Variants in PCDH9 observed in about 807,000 individuals in gnomAD.
PCDH9 encodes the protein protocadherin-9.
A neutral mutation model predicts 70.6 loss-of-function variants in PCDH9; 24 were observed. The observed-to-expected ratio is 0.34, with a 90% CI of 0.25 to 0.48. PCDH9 has a LOEUF of 0.48. Among genes scored for constraint, PCDH9 ranks in the 20% least tolerant of loss-of-function variants. PCDH9 has a pLI of 0.99. For synonymous variants in PCDH9, 562 were observed against 558.5 expected, an observed-to-expected ratio of 1.01 and a Z score of -0.09; for missense variants, 1,281 against 1,503.6, an observed-to-expected ratio of 0.85 and a Z score of 2.45.
chr13:66,379,284 A>G (rs1436287181), intron 4 of PCDH9, among the ~76,000 whole-genome samples: 1 of 152,184 alleles, frequency 6.6e-6, no homozygotes, highest in African/African-American at 2.4e-5. Flanking sequence ...GGTTTTTCGG[A>G]GTGAAAATAT....
chr13:67,224,847 C>CTATA, intron 2 of PCDH9: 1 of 950,314 alleles, frequency 1.1e-6, no homozygotes, highest in Non-Finnish European at 1.3e-6. Context: ...AGAAGACTTC[C>CTATA]TATATGGCTT....
chr13:66,553,445 T>C (rs1045537678), intron 4 of PCDH9, among the ~76,000 whole-genome samples: 1 of 152,236 alleles, frequency 6.6e-6, no homozygotes, highest in Non-Finnish European at 1.5e-5. Flanking sequence ...ATACCATATG[T>C]ACTAAATTGT....
At chr13:67,078,258 C>T (rs1341529141) in intron 2 of PCDH9, among the ~76,000 whole-genome samples, 5 of 152,094 alleles carry the variant, frequency 3.3e-5, no homozygotes, top group Admixed American at 1.3e-4. Flanking sequence ...CTCCCAGCTG[C>T]GCCATCAGCT....
At chr13:66,764,190 T>C (rs1264500982) in intron 3 of PCDH9, among the ~76,000 whole-genome samples, 3 of 151,634 alleles carry the variant, frequency 2.0e-5, no homozygotes, top group Non-Finnish European at 4.4e-5. Flanking sequence ...ACAAGATTTA[T>C]ATATTGATAA....
intron 2 of PCDH9, among the ~76,000 whole-genome samples, chr13:66,926,250 T>G (rs2082716042): frequency 6.6e-6 from 1 of 151,990 alleles, no homozygotes; most frequent in Admixed American, 6.6e-5. Flanking sequence ...TACTTTATGG[T>G]AATTGTTTAA....
rs1259571038 is a variant in PCDH9, at chr13:66,566,835, A to T, written c.3340+64375T>A. Among the ~76,000 whole-genome samples the T allele has an allele frequency of 2.0e-5, 3 of 152,172 alleles. No homozygotes were observed. The East Asian group carries it at 5.8e-4, about 29-fold the overall frequency. On this transcript the variant is annotated intron_variant, in intron 4 of 4. Coordinates refer to ENST00000377865, the MANE Select transcript of PCDH9 (RefSeq NM_203487.3). ...AAAATCATGCTTAAATTTTTGATGC[A>T]TTCATTTAATTATATACCAAGAGTA...
intron 4 of PCDH9, among the ~76,000 whole-genome samples, chr13:66,348,547 G>A (rs1010500180): frequency 2.6e-5 from 4 of 151,846 alleles, no homozygotes; most frequent in African/African-American, 4.8e-5. Flanking sequence ...ACAGGCACCC[G>A]CCACCACACC....
At chr13:66,503,815 T>C (rs1433798030) in intron 4 of PCDH9, among the ~76,000 whole-genome samples, 1 of 152,178 alleles carries the variant, frequency 6.6e-6, no homozygotes, top group Non-Finnish European at 1.5e-5. Context: ...TTGCAAACAT[T>C]TATTAACCAC....
At chr13:67,018,629 A>T (rs1374863691) in intron 2 of PCDH9, among the ~76,000 whole-genome samples, 1 of 151,708 alleles carries the variant, frequency 6.6e-6, no homozygotes, top group Non-Finnish European at 1.5e-5. Flanking sequence ...AAAAAAAAAA[A>T]AAAGGAAAAA....
chr13:66,324,837 G>T (rs1015778374), intron 4 of PCDH9, among the ~76,000 whole-genome samples: 4 of 151,900 alleles, frequency 2.6e-5, no homozygotes, highest in African/African-American at 7.3e-5. Context: ...CCACTGTAGA[G>T]TTCTGTCACC....
chr13:66,792,611 G>A (rs1009944320), intron 3 of PCDH9, among the ~76,000 whole-genome samples: 16 of 152,194 alleles, frequency 1.1e-4, no homozygotes, highest in Admixed American at 1.0e-3. Flanking sequence ...AGAGGTTTCA[G>A]TGAGTCAAGA....
chr13:66,964,931 AAT>A (rs991113281), intron 2 of PCDH9, among the ~76,000 whole-genome samples: 1 of 151,838 alleles, frequency 6.6e-6, no homozygotes, highest in African/African-American at 2.4e-5. Flanking sequence ...AAAACTATTA[AAT>A]ATATATATAT....
At chr13:66,592,303 G>A (rs2077048446) in intron 4 of PCDH9, among the ~76,000 whole-genome samples, 1 of 151,642 alleles carries the variant, frequency 6.6e-6, no homozygotes, top group African/African-American at 2.4e-5. Context: ...TGTTAACTCA[G>A]AGATCAGTAT....
chr13:67,081,485 T>C (rs1319423507), intron 2 of PCDH9, among the ~76,000 whole-genome samples: 1 of 152,102 alleles, frequency 6.6e-6, no homozygotes, highest in African/African-American at 2.4e-5. Flanking sequence ...GGAGAATTGT[T>C]TGAACCCAGG....
intron 2 of PCDH9, among the ~76,000 whole-genome samples, chr13:66,907,624 A>G (rs1191915115): frequency 1.3e-5 from 2 of 152,210 alleles, no homozygotes; most frequent in African/African-American, 4.8e-5. Context: ...TAAATTTTCA[A>G]AAAAGCACTT....
chr13:66,377,555 A>T (rs1956770917), intron 4 of PCDH9, among the ~76,000 whole-genome samples: 1 of 152,216 alleles, frequency 6.6e-6, no homozygotes, highest in Non-Finnish European at 1.5e-5. Context: ...GCATAACTCA[A>T]TATATAAGTT....
intron 2 of PCDH9, among the ~76,000 whole-genome samples, chr13:66,986,423 C>G (rs1438657260): frequency 6.6e-6 from 1 of 151,952 alleles, no homozygotes; most frequent in Admixed American, 6.6e-5. Flanking sequence ...CTTCTTGGCA[C>G]CCTTATGAAT....
At chr13:66,810,857 T>C (rs2080491911) in intron 3 of PCDH9, among the ~76,000 whole-genome samples, 1 of 151,834 alleles carries the variant, frequency 6.6e-6, no homozygotes, top group Non-Finnish European at 1.5e-5. Flanking sequence ...ATAATATATA[T>C]AGTGTTTCAA....
At chr13:66,351,611 CTTAT>C (rs1956292307) in intron 4 of PCDH9, among the ~76,000 whole-genome samples, 1 of 151,862 alleles carries the variant, frequency 6.6e-6, no homozygotes, top group African/African-American at 2.4e-5. Context: ...TTCATGTTAC[CTTAT>C]TTAAGTTTCA....
Sources: gnomAD v4.1 joint callset for allele counts (sites outside exome capture counted in the v4.1 genomes callset) on GRCh38, gnomAD v4.1.1 for gene constraint, MANE v1.5 for transcripts, NCBI Gene and HGNC (gene_info 2026-07-23, HGNC 2026-07-21) for gene names.